The following PCDH9 variants were observed in gnomAD, a reference collection of about 807,000 sequenced individuals.
PCDH9 encodes the protein protocadherin-9.
PCDH9 carries 24 observed loss-of-function variants against 70.6 expected under a neutral mutation model. That is an observed-to-expected ratio of 0.34 (90% CI 0.25 to 0.48). PCDH9 has a LOEUF of 0.48. Among genes scored for constraint, PCDH9 ranks in the 20% least tolerant of loss-of-function variants. The pLI, the probability that PCDH9 is intolerant of heterozygous loss-of-function variation, is 0.99. For missense variants in PCDH9, 1,281 were observed against 1,503.6 expected, an observed-to-expected ratio of 0.85 and a Z score of 2.45; for synonymous variants, 562 against 558.5, an observed-to-expected ratio of 1.01 and a Z score of -0.09.
chr13:67,196,389 A>G (rs920183553), intron 2 of PCDH9, among the ~76,000 whole-genome samples: 2 of 152,076 alleles, frequency 1.3e-5, no homozygotes, highest in Non-Finnish European at 2.9e-5. Context: ...TATTGATTAT[A>G]AATTTCATCC....
rs577525272 is a variant in PCDH9, at chr13:66,804,805, G to GT, written c.3138+98698dup. Among the ~76,000 whole-genome samples, 9 of 152,146 alleles carry GT rather than the reference G, an allele frequency of 5.9e-5. No individual in the cohort carries two copies. In the South Asian group the frequency reaches 8.3e-4, roughly 14 times the overall value. ...ATTTCAAGGCTAGACAGTTTGTGGGGTTTTTTTATACTTCTTATAGGAGGG... is the reference window on the plus strand; with the variant it reads ...ATTTCAAGGCTAGACAGTTTGTGGGGTTTTTTTTATACTTCTTATAGGAGGG... On this transcript the variant is annotated intron_variant, in intron 3 of 4. Transcript: ENST00000377865.
intron 2 of PCDH9, among the ~76,000 whole-genome samples, chr13:66,958,167 G>A (rs764626528): frequency 2.6e-5 from 4 of 152,216 alleles, no homozygotes; most frequent in African/African-American, 9.6e-5. Flanking sequence ...TGAATTTGAC[G>A]GAGCGTACAA....
chr13:66,915,473 C>T (rs563221683), intron 2 of PCDH9, among the ~76,000 whole-genome samples: 1 of 151,554 alleles, frequency 6.6e-6, no homozygotes, highest in African/African-American at 2.4e-5. Context: ...CATTTGATTA[C>T]CAGGAGATCT....
chr13:66,662,821 TTA>T (rs1215945121), intron 3 of PCDH9, among the ~76,000 whole-genome samples: 1 of 152,156 alleles, frequency 6.6e-6, no homozygotes, highest in African/African-American at 2.4e-5. Flanking sequence ...ACATAGTATG[TTA>T]TAAGAGAATT....
At chr13:66,478,798 C>T (rs970613541) in intron 4 of PCDH9, among the ~76,000 whole-genome samples, 22 of 152,218 alleles carry the variant, frequency 1.4e-4, no homozygotes, top group South Asian at 6.2e-4. Context: ...AAGTACAAGG[C>T]GAAGCAGCAA....
At chr13:67,121,822 G>A (rs2138301799) in intron 2 of PCDH9, among the ~76,000 whole-genome samples, 1 of 152,236 alleles carries the variant, frequency 6.6e-6, no homozygotes, top group South Asian at 2.1e-4. Flanking sequence ...TCATATAGAA[G>A]TCATGTAATT....
intron 4 of PCDH9, among the ~76,000 whole-genome samples, chr13:66,350,456 G>A (rs1288602211): frequency 6.6e-6 from 1 of 152,072 alleles, no homozygotes; most frequent in African/African-American, 2.4e-5. Flanking sequence ...ACAACTACTA[G>A]GTACTGGAGT....
chr13:67,182,948 G>A (rs1594624694), intron 2 of PCDH9, among the ~76,000 whole-genome samples: 1 of 152,008 alleles, frequency 6.6e-6, no homozygotes, highest in African/African-American at 2.4e-5. Flanking sequence ...TCCTGAAAAA[G>A]GAAAATGAAC....
At position 66,846,376 on chromosome 13, in the gene PCDH9, G is replaced by A. The variant is rs545152055; in HGVS notation, c.3138+57128C>T. Among the ~76,000 whole-genome samples, 19 of 152,184 alleles carry A rather than the reference G, an allele frequency of 1.2e-4. No homozygotes were observed. The East Asian group carries it at 2.3e-3, about 19-fold the overall frequency. ...TTGTTAATAAGCAGATTTCAATCTC[G>A]CTGACTGATAGAATATATGAATGCC... On this transcript the variant is annotated intron_variant, in intron 3 of 4. Coordinates refer to ENST00000377865, the MANE Select transcript of PCDH9 (RefSeq NM_203487.3).
chr13:66,908,409 C>T (rs1353484927), intron 2 of PCDH9, among the ~76,000 whole-genome samples: 2 of 152,150 alleles, frequency 1.3e-5, no homozygotes, highest in African/African-American at 4.8e-5. Flanking sequence ...TGAGTACTTC[C>T]TCAGAAAGTG....
chr13:66,617,384 C>T (rs1419287898), intron 4 of PCDH9, among the ~76,000 whole-genome samples: 1 of 152,294 alleles, frequency 6.6e-6, no homozygotes, highest in African/African-American at 2.4e-5. Flanking sequence ...GTACCTCTTC[C>T]GAATGCATCC....
At position 66,303,286 on chromosome 13, in the gene PCDH9, A is replaced by G. The variant is rs1483385373; in HGVS notation, c.*1369T>C. On this transcript the variant is annotated 3_prime_UTR_variant, in exon 5 of 5. Transcript: ENST00000377865. ...CGAATTTGGATTTGTTTGCACGTGC[A>G]ACTGAGATCTTATTAACATTAGTTG... The G allele has an allele frequency of 6.6e-6, 1 of 152,490 alleles. No homozygotes were observed. The highest frequency in any genetic ancestry group is 2.4e-5 in the African/African-American group (1 of 41,436). The allele number at this position is 152,490 out of a possible 1,614,324, so 9.4% of individuals were successfully genotyped here.
chr13:67,092,929 G>A (rs1010688721), intron 2 of PCDH9, among the ~76,000 whole-genome samples: 3 of 151,896 alleles, frequency 2.0e-5, no homozygotes, highest in South Asian at 4.2e-4. Flanking sequence ...TTTTAATGGC[G>A]TAGACCACTA....
At chr13:66,512,364 AT>A (rs1959521955) in intron 4 of PCDH9, among the ~76,000 whole-genome samples, 1 of 151,406 alleles carries the variant, frequency 6.6e-6, no homozygotes. Flanking sequence ...TGTGTCAATT[AT>A]ATATAAATGA....
At chr13:66,731,763 C>A (rs2079082609) in intron 3 of PCDH9, among the ~76,000 whole-genome samples, 2 of 152,084 alleles carry the variant, frequency 1.3e-5, no homozygotes. Context: ...CTGGCATCAT[C>A]ATAATATTAA....
At chr13:66,650,145 C>T (rs1030859955) in intron 3 of PCDH9, among the ~76,000 whole-genome samples, 5 of 151,858 alleles carry the variant, frequency 3.3e-5, no homozygotes, top group African/African-American at 1.2e-4. Context: ...CCAATAATAA[C>T]ATTGACTGTA....
intron 3 of PCDH9, among the ~76,000 whole-genome samples, chr13:66,715,474 C>A (rs1228000531): frequency 6.6e-6 from 1 of 151,976 alleles, no homozygotes; most frequent in African/African-American, 2.4e-5. Context: ...AATAAGAGAT[C>A]AATAATTCAG....
intron 4 of PCDH9, among the ~76,000 whole-genome samples, chr13:66,320,434 C>A (rs141443473): frequency 9.1e-4 from 138 of 151,942 alleles, no homozygotes; most frequent in African/African-American, 3.0e-3. Flanking sequence ...GCACAGTGAA[C>A]CTTTATTTTT....
intron 2 of PCDH9, among the ~76,000 whole-genome samples, chr13:67,144,814 T>G (rs1244383551): frequency 6.6e-6 from 1 of 152,156 alleles, no homozygotes; most frequent in Non-Finnish European, 1.5e-5. Flanking sequence ...ACTCACTAAG[T>G]ACTTTCTTCA....
Sources: allele counts gnomAD v4.1 joint callset (sites outside exome capture counted in the v4.1 genomes callset), GRCh38; gene constraint gnomAD v4.1.1; transcripts MANE v1.5; gene names NCBI Gene and HGNC (gene_info 2026-07-23, HGNC 2026-07-21).